The following TAFA1 variants were observed in gnomAD, a reference collection of about 807,000 sequenced individuals.
TAFA1 encodes chemokine-like protein TAFA-1.
TAFA1 carries 4 observed loss-of-function variants against 18.5 expected under a neutral mutation model. The observed-to-expected ratio is 0.22, with a 90% CI of 0.11 to 0.49. The LOEUF (loss-of-function observed/expected upper bound fraction) is 0.49. Among genes scored for constraint, TAFA1 ranks in the 20% least tolerant of loss-of-function variants. The pLI is 0.98. For synonymous variants in TAFA1, 56 were observed against 55.2 expected (o/e 1.01, Z -0.06); for missense variants, 147 against 169.0 (o/e 0.87, Z 0.72).
chr3:68,320,641 G>T (rs1377172392), intron 2 of TAFA1, among the ~76,000 whole-genome samples: 1 of 152,278 alleles, frequency 6.6e-6, no homozygotes, highest in East Asian at 1.9e-4. Context: ...CAGGGCCAGA[G>T]GTGGCTCCCT....
At chr3:68,307,369 C>T (rs774812361) in intron 2 of TAFA1, among the ~76,000 whole-genome samples, 79 of 152,062 alleles carry the variant, frequency 5.2e-4, no homozygotes, top group Middle Eastern at 3.4e-3. Context: ...TTCTAGCATC[C>T]CATTGCTGGT....
At chr3:68,045,343 G>T (rs760710683) in intron 2 of TAFA1, among the ~76,000 whole-genome samples, 1 of 152,146 alleles carries the variant, frequency 6.6e-6, no homozygotes, top group Non-Finnish European at 1.5e-5. Context: ...CAGAGGTGGG[G>T]CATTACATTT....
chr3:68,032,681 T>C (rs1259940741), intron 2 of TAFA1, among the ~76,000 whole-genome samples: 1 of 152,136 alleles, frequency 6.6e-6, no homozygotes, highest in African/African-American at 2.4e-5. Flanking sequence ...GGCTCTGCTT[T>C]TTCCCTCCCA....
At chr3:68,203,898 C>T (rs1243592805) in intron 2 of TAFA1, among the ~76,000 whole-genome samples, 1 of 151,632 alleles carries the variant, frequency 6.6e-6, no homozygotes, top group Non-Finnish European at 1.5e-5. Flanking sequence ...CCAATATTCA[C>T]TGTGAGAACC....
chr3:68,378,767 C>G (rs2069870548), intron 2 of TAFA1, among the ~76,000 whole-genome samples: 1 of 152,138 alleles, frequency 6.6e-6, no homozygotes. Context: ...ATGCTGTTCT[C>G]ATGATAGTGA....
intron 3 of TAFA1, among the ~76,000 whole-genome samples, chr3:68,494,674 C>G (rs1297898124): frequency 3.9e-5 from 6 of 152,198 alleles, no homozygotes; most frequent in Admixed American, 3.3e-4. Flanking sequence ...TGATACCTCA[C>G]AAGCTCTGGG....
intron 2 of TAFA1, among the ~76,000 whole-genome samples, chr3:68,262,317 ATATATATATATATATATATATATATATAT>A (rs2067444953): frequency 2.3e-5 from 1 of 43,316 alleles, no homozygotes; most frequent in East Asian, 1.2e-3. Context: ...GTATATATAT[ATATATATATATATATATATATATATATAT>A]ATATATATAT....
intron 2 of TAFA1, among the ~76,000 whole-genome samples, chr3:68,011,543 A>T (rs1704471337): frequency 6.6e-6 from 1 of 152,210 alleles, no homozygotes; most frequent in Non-Finnish European, 1.5e-5. Context: ...TTACCTTACT[A>T]TTCAATATTA....
intron 2 of TAFA1, among the ~76,000 whole-genome samples, chr3:68,076,458 T>A (rs1463197602): frequency 3.1e-5 from 1 of 31,976 alleles, no homozygotes; most frequent in African/African-American, 1.2e-4. Context: ...CCCTCCCCCC[T>A]CCCCCCACCC....
chr3:68,182,460 A>G (rs1001786006), intron 2 of TAFA1, among the ~76,000 whole-genome samples: 2 of 152,182 alleles, frequency 1.3e-5, no homozygotes, highest in Non-Finnish European at 2.9e-5. Flanking sequence ...GTAGTATTTC[A>G]TTCAAAACTA....
chr3:68,528,640 T>C (rs2073142511), intron 3 of TAFA1, among the ~76,000 whole-genome samples: 1 of 152,184 alleles, frequency 6.6e-6, no homozygotes, highest in African/African-American at 2.4e-5. Context: ...GTTCTAGCCA[T>C]TGCTTTAAAT....
intron 2 of TAFA1, among the ~76,000 whole-genome samples, chr3:68,028,736 C>A (rs371590064): frequency 1.5e-5 from 2 of 130,402 alleles, no homozygotes; most frequent in Non-Finnish European, 3.2e-5. Flanking sequence ...CTCAGCCTCA[C>A]TCTTTTTTTT....
At chr3:68,226,658 A>C (rs2066804573) in intron 2 of TAFA1, among the ~76,000 whole-genome samples, 1 of 152,176 alleles carries the variant, frequency 6.6e-6, no homozygotes, top group African/African-American at 2.4e-5. Context: ...TTTACAAGGT[A>C]CTTTCATGTA....
At chr3:68,387,488 A>G (rs1231468205) in intron 2 of TAFA1, among the ~76,000 whole-genome samples, 2 of 152,170 alleles carry the variant, frequency 1.3e-5, no homozygotes, top group East Asian at 1.9e-4. Context: ...TGCCATGGAA[A>G]TGTTGTATCT....
intron 2 of TAFA1, among the ~76,000 whole-genome samples, chr3:68,236,156 A>G (rs2066924875): frequency 6.6e-6 from 1 of 152,188 alleles, no homozygotes; most frequent in Non-Finnish European, 1.5e-5. Context: ...GAACACCAAA[A>G]GCCTCATATT....
At chr3:68,026,254 C>T (rs1408272571) in intron 2 of TAFA1, among the ~76,000 whole-genome samples, 2 of 151,720 alleles carry the variant, frequency 1.3e-5, no homozygotes, top group Non-Finnish European at 2.9e-5. Flanking sequence ...CAGACGAATC[C>T]TTGTGAAGAT....
At chr3:68,315,399 G>A (rs1464726476) in intron 2 of TAFA1, among the ~76,000 whole-genome samples, 1 of 152,132 alleles carries the variant, frequency 6.6e-6, no homozygotes, top group East Asian at 1.9e-4. Context: ...GTTGTGCATG[G>A]AAAGTGTTAA....
intron 3 of TAFA1, among the ~76,000 whole-genome samples, chr3:68,449,284 A>G (rs544130560): frequency 2.6e-5 from 4 of 152,180 alleles, no homozygotes; most frequent in Non-Finnish European, 5.9e-5. Context: ...GCACAGAAGT[A>G]AGATATGGGC....
At chr3:68,195,613 A>G (rs956309485) in intron 2 of TAFA1, among the ~76,000 whole-genome samples, 1 of 151,366 alleles carries the variant, frequency 6.6e-6, no homozygotes, top group African/African-American at 2.4e-5. Flanking sequence ...TGTTCAGTGT[A>G]CTACAAGGTC....
Sources: allele counts gnomAD v4.1 joint callset (sites outside exome capture counted in the v4.1 genomes callset), GRCh38; gene constraint gnomAD v4.1.1; transcripts MANE v1.5; gene names NCBI Gene and HGNC (gene_info 2026-07-23, HGNC 2026-07-21).